Variants in NLRC3 observed in about 807,000 individuals in gnomAD.
NLRC3 encodes the protein NLR family CARD domain-containing protein 3.
A neutral mutation model predicts 91.6 loss-of-function variants in NLRC3; 87 were observed. That is an observed-to-expected ratio of 0.95 (90% confidence interval 0.80 to 1.14). The LOEUF (loss-of-function observed/expected upper bound fraction) is 1.14, where lower values mean the gene tolerates loss of function less well. Among genes scored for constraint, NLRC3 ranks in the 50% most tolerant of loss-of-function variants. NLRC3 has a pLI of 0.00. For synonymous variants in NLRC3, 694 were observed against 625.3 expected, an observed-to-expected ratio of 1.11 and a Z score of -1.64; for missense variants, 1,577 against 1,418.6, an observed-to-expected ratio of 1.11 and a Z score of -1.79.
intron 19 of NLRC3, 102 bp downstream of exon 19, chr16:3,542,089 G>A (rs770224262): frequency 4.4e-6 from 4 of 912,656 alleles, no homozygotes; most frequent in African/African-American, 3.3e-5. Flanking sequence ...CTATAGGCCT[G>A]CTGAAGCGTC....
At chr16:3,560,526 C>T (rs2039559773) in intron 6 of NLRC3, among the ~76,000 whole-genome samples, 1 of 151,930 alleles carries the variant, frequency 6.6e-6, no homozygotes, top group Admixed American at 6.5e-5. Context: ...ATCGATTCAA[C>T]CACAAACCCC....
intron 6 of NLRC3, among the ~76,000 whole-genome samples, chr16:3,557,940 A>T (rs1224628469): frequency 6.6e-6 from 1 of 152,218 alleles, no homozygotes; most frequent in Non-Finnish European, 1.5e-5. Context: ...CCAGCACAAC[A>T]GCTTCTACAC....
At chr16:3,546,769 G>A (rs780630297) in intron 15 of NLRC3, among the ~76,000 whole-genome samples, 68 of 152,232 alleles carry the variant, frequency 4.5e-4, no homozygotes, top group Non-Finnish European at 8.4e-4. Context: ...GAGAGGGCTG[G>A]GACACGGACG....
At chr16:3,542,097 G>A (rs749770046) in intron 19 of NLRC3, 94 bp downstream of exon 19, 39 of 947,282 alleles carry the variant, frequency 4.1e-5, no homozygotes, top group South Asian at 1.1e-4. Flanking sequence ...CTGCTGAAGC[G>A]TCTGGGGGTC....
chr16:3,543,761 C>G, intron 16 of NLRC3: 1 of 526,362 alleles, frequency 1.9e-6, no homozygotes, highest in Middle Eastern at 5.3e-4. Flanking sequence ...CTCCCTGTAC[C>G]TCCTCATTAC....
At chr16:3,558,066 G>C (rs747084078) in intron 6 of NLRC3, among the ~76,000 whole-genome samples, 1 of 152,220 alleles carries the variant, frequency 6.6e-6, no homozygotes, top group Non-Finnish European at 1.5e-5. Flanking sequence ...TGGGCTGTGC[G>C]TGGTGGCTCA....
At chr16:3,556,514 G>T (rs938504009) in intron 8 of NLRC3, among the ~76,000 whole-genome samples, 1 of 150,636 alleles carries the variant, frequency 6.6e-6, no homozygotes, top group Admixed American at 6.6e-5. Flanking sequence ...ATCTTTGTTT[G>T]CTTGCTTGTT....
chr16:3,564,971 G>A lies in NLRC3; in HGVS notation c.66C>T (p.Ala22=), dbSNP rs746476327. 1.1e-5 allele frequency: 17 copies of A among 1,610,464 alleles called. No individual in the cohort carries two copies. Among genetic ancestry groups the A allele is most frequent in the East Asian group, 4.5e-5 (2 of 44,886 alleles). The stretch of plus-strand genomic sequence containing the variant: ...GATCCATGAGGGCTTTCACCTGCTC[G>A]GCTGGGGAGCCCGTACCGTGGCCCT... ...AGQGHGTGSP[A]EQVKALMDLL... Residue 22 remains alanine (A), a synonymous_variant, in exon 4 of 20, where the codon GCC becomes GCT. Coordinates refer to ENST00000359128, the MANE Select transcript of NLRC3 (RefSeq NM_178844.4). This position sits in a 1 kb window ranked among gnomAD's most constrained non-coding sequence, Gnocchi z 5.9.
intron 9 of NLRC3, 131 bp downstream of exon 9, chr16:3,554,111 G>A: frequency 3.1e-6 from 2 of 650,374 alleles, no homozygotes; most frequent in Middle Eastern, 2.5e-4. Flanking sequence ...GGCATCAGGG[G>A]CCATCCAGAT....
Position 3,552,276 on chromosome 16 carries a change from C to T in NLRC3, c.2271G>A (p.Leu757=). The change falls in exon 10 of 20, where the codon CTG becomes CTA. Residue 757 remains leucine, a synonymous_variant. Coordinates refer to ENST00000359128, the MANE Select transcript of NLRC3 (RefSeq NM_178844.4). ...CCATGGGCCCGATGCTGTTCTTCTG[C>T]AGGCTGTGGGAGAAAAGAGAGGGGT... ...ASNRTLSMLH[L]QKNSIGPMGA... The T allele has an allele frequency of 6.2e-7, 1 of 1,612,250 alleles. No individual in the cohort carries two copies. Among genetic ancestry groups the T allele is most frequent in the Non-Finnish European group, 8.5e-7 (1 of 1,178,370 alleles).
intron 1 of NLRC3, among the ~76,000 whole-genome samples, chr16:3,573,688 T>G (rs931584605): frequency 3.9e-5 from 6 of 152,192 alleles, no homozygotes; most frequent in African/African-American, 1.4e-4. Context: ...AAGTCTCAGC[T>G]CTGGTAGGGC....
At chr16:3,549,902 T>G (rs961732173) in intron 11 of NLRC3, 122 bp from the exon 12 acceptor site, 2 of 631,636 alleles carry the variant, frequency 3.2e-6, no homozygotes, top group Non-Finnish European at 5.6e-6. Flanking sequence ...GGGACAGTGG[T>G]GGCCACACTG....
At chr16:3,549,596 A>C in intron 12 of NLRC3, 101 bp downstream of exon 12, 3 of 922,274 alleles carry the variant, frequency 3.3e-6, no homozygotes, top group Non-Finnish European at 5.1e-6. Context: ...AGGCTTCCCC[A>C]GCCATAGATT....
intron 1 of NLRC3, among the ~76,000 whole-genome samples, chr16:3,572,582 C>G (rs2040136458): frequency 6.6e-6 from 1 of 152,170 alleles, no homozygotes. Context: ...GCCACTGTGC[C>G]AGGCCTGTAG....
intron 9 of NLRC3, among the ~76,000 whole-genome samples, chr16:3,553,881 A>G (rs1185056064): frequency 4.0e-5 from 6 of 149,958 alleles, no homozygotes; most frequent in Non-Finnish European, 8.9e-5. Context: ...AGCTGGGACT[A>G]CAGGCTTGCA....
Position 3,550,735 on chromosome 16 carries a change from A to G in NLRC3, c.2352-238T>C, listed in dbSNP as rs80269975. 7.5e-3 allele frequency among the ~76,000 whole-genome samples: 1,136 copies of G among 152,278 alleles called. 13 individuals carry two copies. The highest frequency in any genetic ancestry group is 0.022 in the African/African-American group (909 of 41,550). Reference sequence around the variant, plus strand: ...CTTGACTCCCTGGCAAGAAGGGTCAACCCTTCAGTGATAAGTATTTTGGGG... The same window carrying G: ...CTTGACTCCCTGGCAAGAAGGGTCAGCCCTTCAGTGATAAGTATTTTGGGG... On this transcript the variant is annotated intron_variant, in intron 10 of 19. Coordinates refer to ENST00000359128, the MANE Select transcript of NLRC3 (RefSeq NM_178844.4).
intron 6 of NLRC3, 116 bp from the exon 7 acceptor site, chr16:3,557,792 A>G (rs1338179378): frequency 1.5e-6 from 1 of 681,218 alleles, no homozygotes. Context: ...CAGGGTCTGG[A>G]CATAGGTGGA....
chr16:3,561,978 C>A (rs185705290), intron 5 of NLRC3, among the ~76,000 whole-genome samples, 190 bp from the exon 6 acceptor site: 1 of 152,168 alleles, frequency 6.6e-6, no homozygotes, highest in Non-Finnish European at 1.5e-5. Context: ...ACGAGACCTG[C>A]GGTTCCTGTG....
At position 3,563,720 on chromosome 16, in the gene NLRC3, T is replaced by G. The variant is rs1408693555; in HGVS notation, c.1217A>C (p.His406Pro). The G allele has an allele frequency of 6.2e-7, 1 of 1,613,574 alleles. No homozygotes were observed. The highest frequency in any genetic ancestry group is 1.7e-5 in the Admixed American group (1 of 59,996). The stretch of plus-strand genomic sequence containing the variant: ...CACGTATTTCTTCTTGAGCAGCCCA[T>G]GGAAGGCCAGACGGCCCAATGTCCC... ...MVGTLGRLAF[H>P]GLLKKKYVFY... Residue 406 changes from histidine (H) to proline (P), a missense_variant, in exon 5 of 20, where the codon CAT becomes CCT. Physicochemically the swap from His to Pro is moderately conservative, Grantham distance 77. Transcript: ENST00000359128.
Sources: gnomAD v4.1 joint callset for allele counts (sites outside exome capture counted in the v4.1 genomes callset) on GRCh38, gnomAD v4.1.1 for gene constraint, Gnocchi (gnomAD v3.1) non-coding constraint, MANE v1.5 for transcripts, NCBI Gene and HGNC (gene_info 2026-07-23, HGNC 2026-07-21) for gene names.